FLT3LG: variants seen among roughly 807,000 people sequenced by gnomAD.
FLT3LG encodes fms-related tyrosine kinase 3 ligand.
A neutral mutation model predicts 30.9 loss-of-function variants in FLT3LG; 8 were observed. The observed-to-expected ratio is 0.26, with a 90% confidence interval of 0.15 to 0.47. FLT3LG has a LOEUF of 0.47. FLT3LG is among the 20% of genes least tolerant of loss of function. FLT3LG has a pLI of 0.99. For missense variants in FLT3LG, 278 were observed against 306.2 expected, an observed-to-expected ratio of 0.91 and a Z score of 0.69; for synonymous variants, 123 against 135.9, an observed-to-expected ratio of 0.91 and a Z score of 0.66.
In FLT3LG at chr19:49,478,896, C is replaced by T. The variant is rs1328299146; in HGVS notation, c.343-13C>T. ...GATGACGTGGTGGTGACGTCTCCCT[C>T]CCCTGCTCCCAGCCCCCCCCCAGCT... On this transcript the variant is annotated splice_polypyrimidine_tract_variant and intron_variant, in intron 5 of 8. Transcript: ENST00000597551. The T allele has an allele frequency of 5.9e-6, 9 of 1,516,826 alleles. No homozygotes were observed. The highest frequency in any genetic ancestry group is 4.2e-5 in the Admixed American group (2 of 47,974). 94.0% of individuals were successfully genotyped at this position (1,516,826 alleles called of 1,614,324 possible). A position where few individuals can be genotyped will look rare whatever the true frequency, so the allele number is the denominator to read the frequency against.
chr19:49,476,651 C>T lies in FLT3LG; in HGVS notation c.342+85C>T, dbSNP rs558299359. 7.7e-6 allele frequency: 12 copies of T among 1,568,102 alleles called. No homozygotes were observed. In the Admixed American group the frequency reaches 1.3e-4, roughly 16 times the overall value. On this transcript the variant is annotated intron_variant, in intron 5 of 8. Coordinates refer to ENST00000597551, the MANE Select transcript of FLT3LG (RefSeq NM_001459.4). The surrounding 1 kb of genome is among the most constrained non-coding windows in gnomAD (Gnocchi z 5.3). ...GTAAAGCTCCACTAGGCCTTATTGG[C>T]GATTTGGACCATAGCCACCCAACGA...
intron 6 of FLT3LG, among the ~76,000 whole-genome samples, chr19:49,479,901 T>C (rs950362750): frequency 1.3e-5 from 2 of 150,588 alleles, no homozygotes; most frequent in Non-Finnish European, 2.9e-5. Flanking sequence ...ATCTCCAGGG[T>C]TCAAGCGAAT....
At chr19:49,474,566 A>G in intron 1 of FLT3LG, 37 bp from the exon 2 acceptor site, 2 of 1,507,416 alleles carry the variant, frequency 1.3e-6, no homozygotes, top group Non-Finnish European at 1.8e-6. Context: ...GGGCTGGGGC[A>G]TGAGGGTCCG....
Position 49,476,113 on chromosome 19 carries a change from TC to T in FLT3LG, c.145-31del. On this transcript the variant is annotated intron_variant, in intron 3 of 8. Coordinates refer to ENST00000597551, the MANE Select transcript of FLT3LG (RefSeq NM_001459.4). The surrounding 1 kb of genome is among the most constrained non-coding windows in gnomAD (Gnocchi z 5.3). Reference sequence around the variant, plus strand: ...CCCACAGTTCTGTTTCTCGCTGTTTTCAGCCAGGCCTGATCCTGTTTTCTCC... The same window carrying T: ...CCCACAGTTCTGTTTCTCGCTGTTTTAGCCAGGCCTGATCCTGTTTTCTCC... 1 of 1,613,634 alleles carries T rather than the reference TC, an allele frequency of 6.2e-7. No homozygotes were observed.
chr19:49,479,518 T>C (rs1484766270), intron 6 of FLT3LG, among the ~76,000 whole-genome samples: 2 of 137,910 alleles, frequency 1.5e-5, no homozygotes, highest in Non-Finnish European at 1.5e-5. Context: ...TTTTTTTTTT[T>C]TGAGATGGAG....
intron 8 of FLT3LG, among the ~76,000 whole-genome samples, chr19:49,482,627 A>ATT (rs59196692): frequency 2.8e-5 from 4 of 141,254 alleles, no homozygotes; most frequent in Non-Finnish European, 4.7e-5. Context: ...TGGTAGCCAC[A>ATT]TTTTTTTTTT....
rs1461617324 is a variant in FLT3LG, at chr19:49,480,588, G to A, written c.697G>A (p.Val233Met). 4 of 1,613,010 alleles carry A rather than the reference G, an allele frequency of 2.5e-6. No homozygotes were observed. The highest frequency in any genetic ancestry group is 1.7e-6 in the Non-Finnish European group (2 of 1,179,680). ...CCCCAGTCCCCAGGACCTGCTGCTT[G>A]TGGAGCACTGACCTGGCCAAGGCCT... ...PVPSPQDLLL[V>M]EH The change falls in exon 8 of 9, where the codon GTG becomes ATG. Residue 233 changes from valine (V) to methionine (M), a missense_variant. Physicochemically the swap from Val to Met is conservative, Grantham distance 21. Around this residue, in one of 3 missense-constraint regions of FLT3LG, gnomAD observed 170 missense variants for 162.0 expected, o/e 1.05. Transcript: ENST00000597551.
chr19:49,478,865 T>A, intron 5 of FLT3LG, 44 bp from the exon 6 acceptor site: 1 of 1,464,548 alleles, frequency 6.8e-7, no homozygotes, highest in Middle Eastern at 2.4e-4. Flanking sequence ...GGAGGGGCGG[T>A]GGGGGGATGA....
At chr19:49,485,827 G>T (rs1188069449) in intron 8 of FLT3LG, 188 bp from the exon 9 acceptor site, 8 of 152,198 alleles carry the variant, frequency 5.3e-5, no homozygotes, top group Admixed American at 5.2e-4. Flanking sequence ...GAAATATAGG[G>T]AACATTTCTA....
chr19:49,476,006 C>A lies in FLT3LG; in HGVS notation c.145-139C>A. The stretch of plus-strand genomic sequence containing the variant: ...TAGGGGTGTCATCCCTTTTTAAGGG[C>A]AAGGTTCTGTGGCTTCTTCTGGGCT... On this transcript the variant is annotated intron_variant, in intron 3 of 8. Coordinates refer to ENST00000597551, the MANE Select transcript of FLT3LG (RefSeq NM_001459.4). The surrounding 1 kb of genome is among the most constrained non-coding windows in gnomAD (Gnocchi z 5.3). The A allele has an allele frequency of 1.8e-6, 2 of 1,100,870 alleles. No individual in the cohort carries two copies. Among genetic ancestry groups the A allele is most frequent in the Non-Finnish European group, 2.7e-6 (2 of 729,170 alleles). 68.2% of individuals were successfully genotyped at this position (1,100,870 alleles called of 1,614,324 possible).
At chr19:49,478,044 A>C (rs1233045199) in intron 5 of FLT3LG, among the ~76,000 whole-genome samples, 3 of 150,504 alleles carry the variant, frequency 2.0e-5, no homozygotes, top group Non-Finnish European at 4.4e-5. Context: ...CTCTGTCCCC[A>C]AAAAATAAAT....
chr19:49,478,177 T>A (rs2079460783), intron 5 of FLT3LG, among the ~76,000 whole-genome samples: 1 of 144,656 alleles, frequency 6.9e-6, no homozygotes, highest in Non-Finnish European at 1.5e-5. Context: ...AATAAATAAA[T>A]AAATAAATAG....
intron 2 of FLT3LG, 25 bp downstream of exon 2, chr19:49,474,697 C>T: frequency 1.2e-6 from 2 of 1,610,114 alleles, no homozygotes; most frequent in Non-Finnish European, 1.7e-6. Flanking sequence ...GGGACAAGAT[C>T]AGGGGAGAGG....
At position 49,476,473 on chromosome 19, in the gene FLT3LG, G is replaced by A. The variant is rs773732267; in HGVS notation, c.249G>A (p.Met83Ile). The part of the protein sequence containing the change: ...LWRLVLAQRW[M>I]ERLKTVAGSK... ...GGCTGGTCCTGGCACAGCGCTGGAT[G>A]GAGCGGCTCAAGACTGTCGCTGGGT... Residue 83 changes from methionine to isoleucine, a missense_variant, in exon 5 of 9, where the codon ATG becomes ATA. Met to Ile is a conservative substitution (Grantham distance 10, BLOSUM62 1). Around this residue, in one of 3 missense-constraint regions of FLT3LG, gnomAD observed 68 missense variants for 110.0 expected, o/e 0.62. Transcript: ENST00000597551. The surrounding 1 kb of genome is among the most constrained non-coding windows in gnomAD (Gnocchi z 5.3). The A allele has an allele frequency of 7.4e-6, 12 of 1,614,000 alleles. No individual in the cohort carries two copies. In the Admixed American group the frequency reaches 1.7e-4, roughly 22 times the overall value.
chr19:49,476,686 G>A lies in FLT3LG; in HGVS notation c.342+120G>A, dbSNP rs1191225506. The A allele has an allele frequency of 1.5e-5, 20 of 1,324,186 alleles. No homozygotes were observed. In the East Asian group the frequency reaches 1.9e-4, roughly 13 times the overall value. The allele number at this position is 1,324,186 out of a possible 1,614,324, so 82.0% of individuals were successfully genotyped here. A position where few individuals can be genotyped will look rare whatever the true frequency, so the allele number is the denominator to read the frequency against. ...CATAGCCACCCAACGAAGGTAGAGC[G>A]AGAAGCGCCACCCTGCAGAGCCCTG... On this transcript the variant is annotated intron_variant, in intron 5 of 8. Coordinates refer to ENST00000597551, the MANE Select transcript of FLT3LG (RefSeq NM_001459.4). The surrounding 1 kb of genome is among the most constrained non-coding windows in gnomAD (Gnocchi z 5.3).
chr19:49,480,514 G>T (rs772009290), intron 7 of FLT3LG, 38 bp downstream of exon 7: 1 of 1,607,830 alleles, frequency 6.2e-7, no homozygotes, highest in African/African-American at 1.3e-5. Context: ...GGGGCCGAGA[G>T]GGTGGCCCAC....
intron 2 of FLT3LG, 69 bp downstream of exon 2, chr19:49,474,741 G>A: frequency 1.3e-6 from 2 of 1,526,740 alleles, no homozygotes; most frequent in South Asian, 1.2e-5. Flanking sequence ...CAGAGATGAG[G>A]GGAGATGGAC....
At chr19:49,479,341 C>G (rs2122526130) in intron 6 of FLT3LG, among the ~76,000 whole-genome samples, 1 of 151,568 alleles carries the variant, frequency 6.6e-6, no homozygotes, top group East Asian at 1.9e-4. Flanking sequence ...ACCACAGGCG[C>G]CCGCCACCAC....
intron 2 of FLT3LG, 139 bp from the exon 3 acceptor site, chr19:49,475,552 C>A: frequency 8.7e-7 from 1 of 1,144,960 alleles, no homozygotes; most frequent in African/African-American, 1.6e-5. Context: ...GGGGCCATGT[C>A]TCCAGAAAGT....
Sources: gnomAD v4.1 joint callset for allele counts (sites outside exome capture counted in the v4.1 genomes callset) on GRCh38, gnomAD v4.1.1 for gene constraint, gnomAD v4.1.1 regional missense constraint, Gnocchi (gnomAD v3.1) non-coding constraint, MANE v1.5 for transcripts, NCBI Gene and HGNC (gene_info 2026-07-23, HGNC 2026-07-21) for gene names.